TIAM1: variants seen among roughly 807,000 people sequenced by gnomAD.
TIAM1 encodes TIAM Rac1 associated GEF 1.
TIAM1 carries 65 observed loss-of-function variants against 163.5 expected under a neutral mutation model. That is an observed-to-expected ratio of 0.40 (90% CI 0.33 to 0.49). The LOEUF (loss-of-function observed/expected upper bound fraction) is 0.49, where lower values mean the gene tolerates loss of function less well. Among genes scored for constraint, TIAM1 ranks in the 20% least tolerant of loss-of-function variants. TIAM1 has a pLI of 0.77. For synonymous variants in TIAM1, 833 were observed against 810.1 expected (o/e 1.03, Z -0.48); for missense variants, 1,789 against 2,044.7 (o/e 0.87, Z 2.41).
At chr21:31,363,245 A>G (rs946436431) in intron 2 of TIAM1, among the ~76,000 whole-genome samples, 1 of 152,158 alleles carries the variant, frequency 6.6e-6, no homozygotes, top group Non-Finnish European at 1.5e-5. Flanking sequence ...GAAAACAGGG[A>G]TGAAAGACAG....
At chr21:31,225,397 G>A (rs1235414668) in intron 7 of TIAM1, among the ~76,000 whole-genome samples, 2 of 152,132 alleles carry the variant, frequency 1.3e-5, no homozygotes, top group Admixed American at 1.3e-4. Flanking sequence ...AGAACTCCAA[G>A]TCAGTCTGAT....
At chr21:31,304,071 T>C (rs765435861) in intron 2 of TIAM1, among the ~76,000 whole-genome samples, 3 of 152,112 alleles carry the variant, frequency 2.0e-5, no homozygotes, top group Non-Finnish European at 2.9e-5. Context: ...AGCAACGAAA[T>C]AGAAGATGCT....
chr21:31,219,779 A>G (rs2087450342), intron 8 of TIAM1, among the ~76,000 whole-genome samples: 1 of 152,186 alleles, frequency 6.6e-6, no homozygotes, highest in African/African-American at 2.4e-5. Flanking sequence ...GGGCATAGAA[A>G]AATGTGGTAT....
At chr21:31,384,074 C>T (rs944483988) in intron 2 of TIAM1, among the ~76,000 whole-genome samples, 2 of 152,086 alleles carry the variant, frequency 1.3e-5, no homozygotes, top group African/African-American at 2.4e-5. Context: ...TGCTGGCTGA[C>T]GACCATATTC....
At chr21:31,138,549 T>C (rs1033860239) in intron 22 of TIAM1, among the ~76,000 whole-genome samples, 2 of 152,226 alleles carry the variant, frequency 1.3e-5, no homozygotes, top group Admixed American at 1.3e-4. Flanking sequence ...TGTGAAAATC[T>C]GAATATAATT....
chr21:31,226,406 T>C (rs942112579), intron 6 of TIAM1, among the ~76,000 whole-genome samples: 2 of 152,058 alleles, frequency 1.3e-5, no homozygotes, highest in Admixed American at 6.6e-5. Flanking sequence ...AATCCAAAGG[T>C]CCTATTCCTG....
At chr21:31,474,788 C>T (rs1025090450) in intron 1 of TIAM1, among the ~76,000 whole-genome samples, 4 of 151,958 alleles carry the variant, frequency 2.6e-5, no homozygotes, top group Non-Finnish European at 4.4e-5. Context: ...TCAGTTGATC[C>T]GCCTGCCTTG....
intron 6 of TIAM1, among the ~76,000 whole-genome samples, chr21:31,234,610 G>A (rs774006366): frequency 2.0e-5 from 3 of 151,728 alleles, no homozygotes; most frequent in Non-Finnish European, 4.4e-5. Flanking sequence ...GCAAAACCCC[G>A]TCTCTACAAA....
intron 2 of TIAM1, among the ~76,000 whole-genome samples, chr21:31,292,648 G>T (rs1367218077): frequency 6.7e-6 from 1 of 150,064 alleles, no homozygotes; most frequent in Non-Finnish European, 1.5e-5. Context: ...GGGATTACAG[G>T]CATGAGCCAC....
At chr21:31,534,693 A>G (rs528029913) in intron 1 of TIAM1, among the ~76,000 whole-genome samples, 1 of 152,216 alleles carries the variant, frequency 6.6e-6, no homozygotes, top group South Asian at 2.1e-4. Flanking sequence ...ATCCAAAATC[A>G]GCACTTAAGA....
chr21:31,476,825 T>C (rs55782271), intron 1 of TIAM1, among the ~76,000 whole-genome samples: 7 of 152,340 alleles, frequency 4.6e-5, no homozygotes, highest in Non-Finnish European at 8.8e-5. Context: ...AGCAGAAATG[T>C]TGCCGGCTGC....
chr21:31,450,228 C>T (rs2044776498), intron 2 of TIAM1, among the ~76,000 whole-genome samples: 1 of 152,146 alleles, frequency 6.6e-6, no homozygotes, highest in African/African-American at 2.4e-5. Context: ...TGCAAATTAC[C>T]TCTTTTCAGA....
chr21:31,398,758 GA>G (rs2077115333), intron 2 of TIAM1, among the ~76,000 whole-genome samples: 1 of 152,270 alleles, frequency 6.6e-6, no homozygotes, highest in Non-Finnish European at 1.5e-5. Flanking sequence ...CAGATATGGA[GA>G]ACGATTTAGT....
chr21:31,442,432 C>T lies in TIAM1; in HGVS notation c.-369+21551G>A, dbSNP rs572241243. Among the ~76,000 whole-genome samples the T allele has an allele frequency of 7.9e-5, 12 of 152,016 alleles. 1 individual carries two copies. The South Asian group carries it at 2.3e-3, about 29-fold the overall frequency. On this transcript the variant is annotated intron_variant, in intron 2 of 28. Coordinates refer to the TIAM1 transcript ENST00000286827. Reference sequence around the variant, plus strand: ...ATTGTTAGTGGAGACAGGGTTTCACCATGTTGGCCAGGCTGGTATGGAACG... The same window carrying T: ...ATTGTTAGTGGAGACAGGGTTTCACTATGTTGGCCAGGCTGGTATGGAACG...
intron 23 of TIAM1, 54 bp downstream of exon 23, chr21:31,135,879 T>C: frequency 2.6e-6 from 4 of 1,513,044 alleles, no homozygotes; most frequent in Non-Finnish European, 3.7e-6. Flanking sequence ...TGTTCTTGTT[T>C]TGAAAACTAA....
At chr21:31,292,059 C>A (rs2074043905) in intron 2 of TIAM1, among the ~76,000 whole-genome samples, 1 of 152,166 alleles carries the variant, frequency 6.6e-6, no homozygotes, top group African/African-American at 2.4e-5. Flanking sequence ...ATCTGAGAGA[C>A]CTGATCCTAA....
intron 1 of TIAM1, among the ~76,000 whole-genome samples, chr21:31,532,746 T>TC (rs1272998890): frequency 6.6e-6 from 1 of 152,098 alleles, no homozygotes. Flanking sequence ...AAGAGAAATT[T>TC]CCCCATCCTA....
intron 12 of TIAM1, among the ~76,000 whole-genome samples, chr21:31,199,344 C>T (rs2086062721): frequency 6.6e-6 from 1 of 152,098 alleles, no homozygotes; most frequent in African/African-American, 2.4e-5. Flanking sequence ...TGCCCTTTCT[C>T]TCTGGGGTTT....
intron 15 of TIAM1, among the ~76,000 whole-genome samples, chr21:31,177,376 G>A (rs2084809829): frequency 6.6e-6 from 1 of 152,200 alleles, no homozygotes; most frequent in African/African-American, 2.4e-5. Context: ...GGAGGGTGAG[G>A]CAGGTGGATC....
Sources: allele counts gnomAD v4.1 joint callset (sites outside exome capture counted in the v4.1 genomes callset), GRCh38; gene constraint gnomAD v4.1.1; transcripts MANE v1.5; gene names NCBI Gene and HGNC (gene_info 2026-07-23, HGNC 2026-07-21).